Variants in ACOT12 observed in about 807,000 individuals in gnomAD.
ACOT12 encodes acyl-CoA thioesterase 12.
A neutral mutation model predicts 67.7 loss-of-function variants in ACOT12; 51 were observed. The ratio of observed to expected loss-of-function variants is 0.75; its 90% CI spans 0.60 to 0.95. The LOEUF is 0.95. Ranked by LOEUF, ACOT12 falls within the 40% of genes least tolerant of loss-of-function variation. The pLI is 0.00. For missense variants in ACOT12, 734 were observed against 708.1 expected (o/e 1.04, Z -0.41); for synonymous variants, 251 against 244.6 (o/e 1.03, Z -0.24).
chr5:81,360,225 A>T (rs115813514), intron 4 of ACOT12, among the ~76,000 whole-genome samples, 187 bp from the exon 5 acceptor site: 1,892 of 152,362 alleles, frequency 0.012, 31 homozygotes, highest in South Asian at 0.018. Flanking sequence ...AAAAAAATCA[A>T]CATAGGCGTA....
At chr5:81,340,388 G>T (rs1759155400) in intron 11 of ACOT12, among the ~76,000 whole-genome samples, 1 of 151,328 alleles carries the variant, frequency 6.6e-6, no homozygotes, top group South Asian at 2.1e-4. Flanking sequence ...TTGAGATGGA[G>T]TCTCACTCTG....
intron 12 of ACOT12, among the ~76,000 whole-genome samples, chr5:81,335,490 G>A (rs184793952): frequency 2.2e-4 from 33 of 152,108 alleles, no homozygotes; most frequent in Admixed American, 1.9e-3. Flanking sequence ...TGGGTCTCCC[G>A]GGTAGCTAGG....
chr5:81,342,834 T>G lies in ACOT12; in HGVS notation c.1045-79A>C, dbSNP rs982787074. 8 of 1,429,572 alleles carry G rather than the reference T, an allele frequency of 5.6e-6. No individual in the cohort carries two copies. The African/African-American group carries it at 5.7e-5, about 10-fold the overall frequency. The allele number at this position is 1,429,572 out of a possible 1,614,324, so 88.6% of individuals were successfully genotyped here. A position where few individuals can be genotyped will look rare whatever the true frequency, so the allele number is the denominator to read the frequency against. ...GATCATATATTTTCTGCTTAAAAAA[T>G]GGGCACTGTTGGAGGAGGTATGTGT... On this transcript the variant is annotated intron_variant, in intron 10 of 14. Coordinates refer to ENST00000307624, the MANE Select transcript of ACOT12 (RefSeq NM_130767.3).
chr5:81,329,597 G>A (rs55660685), downstream of ACOT12, among the ~76,000 whole-genome samples: 10,545 of 152,170 alleles, frequency 0.069, 542 homozygotes, highest in East Asian at 0.18. Flanking sequence ...CTTTTAAAAC[G>A]TGTCCTTGAG....
At chr5:81,324,984 A>C in the ACOT12 span, among the ~76,000 whole-genome samples, 1 of 152,196 alleles carries the variant, frequency 6.6e-6, no homozygotes, top group African/African-American at 2.4e-5. Context: ...ATCCAGAAAA[A>C]GTATCGTTTT....
At chr5:81,308,959 T>C in the ACOT12 span, 2 of 1,613,196 alleles carry the variant, frequency 1.2e-6, no homozygotes, top group African/African-American at 2.7e-5. Flanking sequence ...AATTTCCTTT[T>C]GCAAAATGTT....
At chr5:81,386,135 G>A (rs1760719814) in intron 1 of ACOT12, among the ~76,000 whole-genome samples, 1 of 152,174 alleles carries the variant, frequency 6.6e-6, no homozygotes, top group Non-Finnish European at 1.5e-5. Context: ...TAGTAAGTTG[G>A]TGCTGACTTT....
At chr5:81,325,919 C>G (rs968369582), downstream of ACOT12, among the ~76,000 whole-genome samples, 4 of 152,004 alleles carry the variant, frequency 2.6e-5, no homozygotes, top group African/African-American at 9.7e-5. Context: ...AAGCAATCCT[C>G]CCACCTCAGC....
chr5:81,342,855 T>A, intron 10 of ACOT12, 100 bp from the exon 11 acceptor site: 1 of 1,189,016 alleles, frequency 8.4e-7, no homozygotes, highest in South Asian at 1.3e-5. Flanking sequence ...GGAGGAGGTA[T>A]GTGTTGAGTC....
At chr5:81,384,117 CT>C (rs35675731) in intron 2 of ACOT12, among the ~76,000 whole-genome samples, 147 of 118,688 alleles carry the variant, frequency 1.2e-3, no homozygotes, top group Middle Eastern at 4.8e-3. Context: ...CATAGGTGTA[CT>C]TTTTTTTTTT....
rs987726758 is a variant in ACOT12 at position 81,367,393 on chromosome 5, T to C, written c.259-3504A>G. Among the ~76,000 whole-genome samples the C allele has an allele frequency of 6.6e-5, 10 of 152,158 alleles. No individual in the cohort carries two copies. The East Asian group carries it at 1.7e-3, about 26-fold the overall frequency. On this transcript the variant is annotated intron_variant, in intron 3 of 14. Coordinates refer to ENST00000307624, the MANE Select transcript of ACOT12 (RefSeq NM_130767.3). Reference sequence around the variant, plus strand: ...AGGGTTTACCTCCTACATATGTGCATGTAAAAGGCATGACAATAACGGCAC... The same window carrying C: ...AGGGTTTACCTCCTACATATGTGCACGTAAAAGGCATGACAATAACGGCAC...
Position 81,365,055 on chromosome 5 carries a change from CCT to C in ACOT12, c.259-1168_259-1167del, listed in dbSNP as rs1282086506. 5.3e-5 allele frequency among the ~76,000 whole-genome samples: 8 copies of C among 152,246 alleles called. No individual in the cohort carries two copies. The South Asian group carries it at 6.2e-4, about 12-fold the overall frequency. On this transcript the variant is annotated intron_variant, in intron 3 of 14. Coordinates refer to ENST00000307624, the MANE Select transcript of ACOT12 (RefSeq NM_130767.3). ...GATACTAAAATGGGCTAGATTTCCC[CCT>C]GTGTGAAGAGCGCTGAAGCTTGGTC...
rs758926664 is a variant in ACOT12, at chr5:81,346,143, G to A, written c.654-139C>T. ...ACTGGATTATGTGGGTTGAGGGTAGGTCTGCACGCTACCTGCCAATATTTT... is the reference window on the plus strand; with the variant it reads ...ACTGGATTATGTGGGTTGAGGGTAGATCTGCACGCTACCTGCCAATATTTT... On this transcript the variant is annotated intron_variant, in intron 6 of 14. Coordinates refer to ENST00000307624, the MANE Select transcript of ACOT12 (RefSeq NM_130767.3). 4.0e-5 allele frequency: 53 copies of A among 1,311,022 alleles called. No individual in the cohort carries two copies. The Middle Eastern group carries it at 9.9e-4, about 24-fold the overall frequency. 81.2% of individuals were successfully genotyped at this position (1,311,022 alleles called of 1,614,324 possible).
chr5:81,310,652 T>G, the ACOT12 span, among the ~76,000 whole-genome samples: 2 of 152,218 alleles, frequency 1.3e-5, no homozygotes, highest in African/African-American at 4.8e-5. Flanking sequence ...CCTGGAATGT[T>G]GTTTAAAGTA....
intron 5 of ACOT12, among the ~76,000 whole-genome samples, chr5:81,356,093 G>A (rs1759704320): frequency 6.6e-6 from 1 of 152,084 alleles, no homozygotes; most frequent in Non-Finnish European, 1.5e-5. Context: ...AACAAGCCTG[G>A]TGATAGGAGT....
intron 5 of ACOT12, 174 bp downstream of exon 5, chr5:81,359,729 G>A (rs1580563204): frequency 3.2e-6 from 2 of 622,904 alleles, no homozygotes; most frequent in East Asian, 6.5e-5. Context: ...GGTGTCAGCA[G>A]TTACATTCTC....
chr5:81,329,815 C>G (rs187303809), downstream of ACOT12, among the ~76,000 whole-genome samples: 9 of 141,540 alleles, frequency 6.4e-5, no homozygotes, highest in Admixed American at 6.2e-4. Context: ...GGTCAGCCAC[C>G]TGGAATATAT....
intron 11 of ACOT12, among the ~76,000 whole-genome samples, chr5:81,340,229 G>T (rs1759149516): frequency 6.6e-6 from 1 of 151,982 alleles, no homozygotes; most frequent in Admixed American, 6.6e-5. Context: ...TAGAGATGGG[G>T]TTTCACCATG....
In ACOT12 at chr5:81,342,537, T is replaced by C. The variant is rs538283405; in HGVS notation, c.1128+135A>G. 9 of 830,962 alleles carry C rather than the reference T, an allele frequency of 1.1e-5. No individual in the cohort carries two copies. In the African/African-American group the frequency reaches 1.5e-4, roughly 14 times the overall value. 51.5% of individuals were successfully genotyped at this position (830,962 alleles called of 1,614,324 possible). On this transcript the variant is annotated intron_variant, in intron 11 of 14. Transcript: ENST00000307624. ...GTAGAGACAGGGCTGAAAAGATGGT[T>C]GCGTCTTAGAAACAGTTTCCTCAAA...
Sources: gnomAD v4.1 joint callset for allele counts (sites outside exome capture counted in the v4.1 genomes callset) on GRCh38, gnomAD v4.1.1 for gene constraint, MANE v1.5 for transcripts, NCBI Gene and HGNC (gene_info 2026-07-23, HGNC 2026-07-21) for gene names.